Variants in PRKAR1B observed in about 807,000 individuals in gnomAD.
PRKAR1B encodes cAMP-dependent protein kinase type I-beta regulatory subunit.
PRKAR1B carries 22 observed loss-of-function variants against 46.5 expected under a neutral mutation model. That is an observed-to-expected ratio of 0.47 (90% CI 0.34 to 0.68). The LOEUF (loss-of-function observed/expected upper bound fraction) is 0.68, where lower values mean the gene tolerates loss of function less well. Among genes scored for constraint, PRKAR1B ranks in the 30% least tolerant of loss-of-function variants. The pLI is 0.01. For missense variants in PRKAR1B, 445 were observed against 535.6 expected (o/e 0.83, Z 1.67); for synonymous variants, 259 against 217.7 (o/e 1.19, Z -1.67).
At chr7:627,463 C>G (rs907224276) in intron 4 of PRKAR1B, among the ~76,000 whole-genome samples, 1 of 152,236 alleles carries the variant, frequency 6.6e-6, no homozygotes, top group African/African-American at 2.4e-5. Context: ...ATGACTCCCC[C>G]ACGCCTGAGG....
rs566884671 is a variant in PRKAR1B at position 602,207 on chromosome 7, G to A, written c.549+3986C>T. On this transcript the variant is annotated intron_variant, in intron 6 of 10. Transcript: ENST00000537384. The surrounding 1 kb of genome is among the most constrained non-coding windows in gnomAD (Gnocchi z 6.4). ...CAGTGAGCTCAGGGCTGGAGGAAACGGTCCCTGCTTTGAAGTGGCTCCGGC... is the reference window on the plus strand; with the variant it reads ...CAGTGAGCTCAGGGCTGGAGGAAACAGTCCCTGCTTTGAAGTGGCTCCGGC... Among the ~76,000 whole-genome samples, 7 of 152,124 alleles carry A rather than the reference G, an allele frequency of 4.6e-5. No individual in the cohort carries two copies. The South Asian group carries it at 8.3e-4, about 18-fold the overall frequency.
chr7:630,667 C>T (rs1396160217), intron 4 of PRKAR1B, among the ~76,000 whole-genome samples: 1 of 152,210 alleles, frequency 6.6e-6, no homozygotes, highest in Non-Finnish European at 1.5e-5. Context: ...CACTGCCAGG[C>T]TCATGTTAAA....
At position 579,302 on chromosome 7, in the gene PRKAR1B, A is replaced by T; in HGVS notation, c.845T>A (p.Ile282Asn). Reference sequence around the variant, plus strand: ...GTCCCCAGGCTCTCCCTGGACCACAATTTTCTCTCCATCTTCAAACTGGAC... The same window carrying T: ...GTCCCCAGGCTCTCCCTGGACCACATTTTTCTCTCCATCTTCAAACTGGAC... ...EPVQFEDGEK[I>N]VVQGEPGDDF... The change falls in exon 9 of 11, where the codon ATT (isoleucine) becomes AAT (asparagine). Residue 282 changes from isoleucine to asparagine, a missense_variant. By Grantham distance (149) the Ile-to-Asn change is moderately radical (BLOSUM62 -3). Transcript: ENST00000537384. The T allele has an allele frequency of 6.2e-7, 1 of 1,614,006 alleles. No individual in the cohort carries two copies. Among genetic ancestry groups the T allele is most frequent in the East Asian group, 2.2e-5 (1 of 44,878 alleles).
At chr7:611,543 C>G (rs1035327692) in intron 4 of PRKAR1B, among the ~76,000 whole-genome samples, 8 of 152,264 alleles carry the variant, frequency 5.3e-5, no homozygotes, top group East Asian at 1.9e-4. Context: ...ATGCCTCCCC[C>G]TCCTGCAACA....
intron 4 of PRKAR1B, among the ~76,000 whole-genome samples, chr7:619,657 C>G (rs141385934): frequency 6.6e-6 from 1 of 152,258 alleles, no homozygotes; most frequent in Non-Finnish European, 1.5e-5. Flanking sequence ...TCTCAGCTCT[C>G]GGCCCCACGC....
chr7:646,324 G>A (rs554925850), intron 4 of PRKAR1B, among the ~76,000 whole-genome samples: 7 of 152,316 alleles, frequency 4.6e-5, no homozygotes, highest in East Asian at 3.9e-4. Context: ...GATTACAGGC[G>A]TGAGCCACCG....
intron 4 of PRKAR1B, among the ~76,000 whole-genome samples, chr7:620,640 T>C (rs904560058): frequency 1.4e-4 from 21 of 152,374 alleles, no homozygotes; most frequent in African/African-American, 5.0e-4. Context: ...TTCTTAATGA[T>C]GATTTTTGTA....
chr7:641,574 C>G (rs1784391876), intron 4 of PRKAR1B, among the ~76,000 whole-genome samples: 1 of 152,138 alleles, frequency 6.6e-6, no homozygotes, highest in Admixed American at 6.6e-5. Flanking sequence ...TAGCTCCAAA[C>G]TGACAACAAC....
intron 2 of PRKAR1B, among the ~76,000 whole-genome samples, chr7:700,605 A>T (rs1673452640): frequency 1.3e-5 from 2 of 152,152 alleles, no homozygotes; most frequent in African/African-American, 4.8e-5. Context: ...ACTATTTTCC[A>T]TGAAGTGAAG....
At chr7:587,143 A>T (rs986256980) in intron 7 of PRKAR1B, among the ~76,000 whole-genome samples, 13 of 152,312 alleles carry the variant, frequency 8.5e-5, no homozygotes, top group African/African-American at 2.9e-4. Flanking sequence ...AGGAGATGTC[A>T]GGAAAGAGAG....
chr7:658,421 T>C (rs1785324593), intron 4 of PRKAR1B, among the ~76,000 whole-genome samples: 1 of 152,006 alleles, frequency 6.6e-6, no homozygotes, highest in African/African-American at 2.4e-5. Flanking sequence ...GGCAATAGAG[T>C]GAGACCTTGT....
At chr7:639,019 G>A (rs765962449) in intron 4 of PRKAR1B, among the ~76,000 whole-genome samples, 4 of 152,176 alleles carry the variant, frequency 2.6e-5, no homozygotes, top group African/African-American at 4.8e-5. Context: ...TGAAGGTTGT[G>A]TTGAGCCAAA....
intron 4 of PRKAR1B, among the ~76,000 whole-genome samples, chr7:657,626 C>A (rs1487321227): frequency 6.6e-6 from 1 of 152,190 alleles, no homozygotes; most frequent in African/African-American, 2.4e-5. Context: ...CCGTTTTGGG[C>A]AGTCTGAATA....
chr7:673,416 G>A (rs969819493), intron 4 of PRKAR1B, among the ~76,000 whole-genome samples: 12 of 152,188 alleles, frequency 7.9e-5, no homozygotes, highest in Middle Eastern at 3.4e-3. Flanking sequence ...TTGGGAGGCC[G>A]AGGAGAGTGG....
chr7:665,413 A>C (rs994041505), intron 4 of PRKAR1B, among the ~76,000 whole-genome samples: 4 of 152,114 alleles, frequency 2.6e-5, no homozygotes, highest in African/African-American at 9.7e-5. Flanking sequence ...AGCTCTAGAA[A>C]GACAACATGC....
chr7:592,747 C>T (rs1349861734), intron 7 of PRKAR1B, among the ~76,000 whole-genome samples: 3 of 152,140 alleles, frequency 2.0e-5, no homozygotes, highest in Non-Finnish European at 2.9e-5. Flanking sequence ...AAAATCAGGC[C>T]GGATACGGTG....
chr7:550,523 G>A lies in PRKAR1B; in HGVS notation c.1053C>T (p.Asp351=), dbSNP rs1784113882. The change falls in exon 11 of 11, where the codon GAC becomes GAT. Residue 351 remains aspartate, a synonymous_variant. Transcript: ENST00000537384. ...ARGPLKCVKL[D]RPRFERVLGP... The stretch of plus-strand genomic sequence containing the variant: ...CCAGCACACGCTCGAAGCGGGGCCG[G>A]TCCAGCTTCACACACTTGAGGGGCC... 1 of 1,604,936 alleles carries A rather than the reference G, an allele frequency of 6.2e-7. No homozygotes were observed. The highest frequency in any genetic ancestry group is 1.7e-5 in the Admixed American group (1 of 58,982).
chr7:601,357 C>G (rs1203886735), intron 6 of PRKAR1B, among the ~76,000 whole-genome samples: 1 of 152,262 alleles, frequency 6.6e-6, no homozygotes, highest in African/African-American at 2.4e-5. Flanking sequence ...AGGGTTCACA[C>G]AGCAGCTGGA....
intron 6 of PRKAR1B, among the ~76,000 whole-genome samples, chr7:599,374 C>T (rs370743425): frequency 4.6e-5 from 7 of 151,886 alleles, no homozygotes; most frequent in Admixed American, 2.0e-4. Flanking sequence ...CTCGGCTCAC[C>T]GCAACCTCTG....
Sources: gnomAD v4.1 joint callset for allele counts (sites outside exome capture counted in the v4.1 genomes callset) on GRCh38, gnomAD v4.1.1 for gene constraint, Gnocchi (gnomAD v3.1) non-coding constraint, MANE v1.5 for transcripts, NCBI Gene and HGNC (gene_info 2026-07-23, HGNC 2026-07-21) for gene names.